ZNF521: variants seen among roughly 807,000 people sequenced by gnomAD.
ZNF521 encodes LYST-interacting protein 3.
A neutral mutation model predicts 105.5 loss-of-function variants in ZNF521; 14 were observed. The ratio of observed to expected loss-of-function variants is 0.13; its 90% CI spans 0.09 to 0.21. The LOEUF (loss-of-function observed/expected upper bound fraction) is 0.21. ZNF521 is among the 10% of genes least tolerant of loss of function. The pLI is 1.00. For missense variants in ZNF521, 1,233 were observed against 1,629.7 expected (o/e 0.76, Z 4.19); for synonymous variants, 635 against 606.0 (o/e 1.05, Z -0.70).
At position 25,132,932 on chromosome 18, in the gene ZNF521, C is replaced by T. The variant is rs143832037; in HGVS notation, c.3659-40851G>A. Among the ~76,000 whole-genome samples the T allele has an allele frequency of 7.2e-5, 11 of 152,266 alleles. 1 individual carries two copies. Among genetic ancestry groups the T allele is most frequent in the East Asian group, 3.9e-4 (2 of 5,176 alleles). Reference sequence around the variant, plus strand: ...GGAGCATAAATTCTACCGTCTGCCCCGATCTGAGAGTGGAACCTATTCAAC... The same window carrying T: ...GGAGCATAAATTCTACCGTCTGCCCTGATCTGAGAGTGGAACCTATTCAAC... On this transcript the variant is annotated intron_variant, in intron 5 of 7. Coordinates refer to ENST00000361524, the MANE Select transcript of ZNF521 (RefSeq NM_015461.3).
intron 5 of ZNF521, among the ~76,000 whole-genome samples, chr18:25,174,252 C>T (rs1156534821): frequency 6.6e-6 from 1 of 152,146 alleles, no homozygotes; most frequent in African/African-American, 2.4e-5. Flanking sequence ...GTGACAGTTT[C>T]CTTTCGAGGA....
rs1567968448 is a variant in ZNF521 at position 25,116,888 on chromosome 18, CGT to C, written c.3659-24809_3659-24808del. ...ATATATACGTATATATATATATATACGTATATATATATGTGTATATATACGTA... is the reference window on the plus strand; with the variant it reads ...ATATATACGTATATATATATATATACATATATATATGTGTATATATACGTA... On this transcript the variant is annotated intron_variant, in intron 5 of 7. Transcript: ENST00000361524. Among the ~76,000 whole-genome samples, 28 of 133,978 alleles carry C rather than the reference CGT, an allele frequency of 2.1e-4. No homozygotes were observed. The South Asian group carries it at 2.7e-3, about 13-fold the overall frequency. The allele number at this position is 133,978 out of a possible 152,430, so 87.9% of individuals were successfully genotyped here. A position where few individuals can be genotyped will look rare whatever the true frequency, so the allele number is the denominator to read the frequency against.
intron 3 of ZNF521, among the ~76,000 whole-genome samples, chr18:25,318,573 G>A (rs1912765865): frequency 6.6e-6 from 1 of 152,054 alleles, no homozygotes; most frequent in African/African-American, 2.4e-5. Context: ...TATATTCTAG[G>A]CTCAGGCAAA....
intron 3 of ZNF521, among the ~76,000 whole-genome samples, chr18:25,293,351 T>TACACACACACACACACAC (rs55818021): frequency 3.8e-4 from 55 of 143,232 alleles, no homozygotes; most frequent in African/African-American, 1.4e-3. Flanking sequence ...CATGTACACA[T>TACACACACACACACACAC]ACACACACAC....
At chr18:25,196,537 T>C (rs2144638602) in intron 4 of ZNF521, among the ~76,000 whole-genome samples, 1 of 151,342 alleles carries the variant, frequency 6.6e-6, no homozygotes, top group African/African-American at 2.4e-5. Context: ...CAGTGGCCAA[T>C]ATTCCTTGTA....
At chr18:25,315,575 A>T (rs1476646012) in intron 3 of ZNF521, 1 of 152,212 alleles carries the variant, frequency 6.6e-6, no homozygotes, top group Non-Finnish European at 1.5e-5. Context: ...CACTGTCTAA[A>T]ATTTCAGTCC....
chr18:25,345,091 T>C lies in ZNF521; in HGVS notation c.40+5816A>G, dbSNP rs1914403881. Reference sequence around the variant, plus strand: ...CAACTTATGTCAACAAGTATTTAACTAGAATTTACCAGACTAACGAGCCCT... The same window carrying C: ...CAACTTATGTCAACAAGTATTTAACCAGAATTTACCAGACTAACGAGCCCT... On this transcript the variant is annotated intron_variant, in intron 2 of 7. Transcript: ENST00000361524. Among the ~76,000 whole-genome samples, 3 of 152,306 alleles carry C rather than the reference T, an allele frequency of 2.0e-5. No homozygotes were observed. The South Asian group carries it at 6.2e-4, about 32-fold the overall frequency.
intron 7 of ZNF521, among the ~76,000 whole-genome samples, chr18:25,077,520 T>C (rs929897897): frequency 1.5e-5 from 2 of 130,684 alleles, no homozygotes; most frequent in African/African-American, 7.0e-5. Flanking sequence ...ACATGTGCCT[T>C]TCTCCTCTTA....
Position 25,079,655 on chromosome 18 carries a change from T to A in ZNF521, c.3906+9810A>T, listed in dbSNP as rs1477561883. ...TGAAAGAGAGAAGACAGCTAGGAAGTGAGCGCACAGATGGTGGGGGGGACG... is the reference window on the plus strand; with the variant it reads ...TGAAAGAGAGAAGACAGCTAGGAAGAGAGCGCACAGATGGTGGGGGGGACG... On this transcript the variant is annotated intron_variant, in intron 7 of 7. Coordinates refer to ENST00000361524, the MANE Select transcript of ZNF521 (RefSeq NM_015461.3). Among the ~76,000 whole-genome samples the A allele has an allele frequency of 2.1e-5, 3 of 146,202 alleles. No individual in the cohort carries two copies. In the East Asian group the frequency reaches 5.9e-4, roughly 29 times the overall value.
chr18:25,195,064 T>C (rs1368206885), intron 5 of ZNF521, 96 bp downstream of exon 5: 4 of 979,594 alleles, frequency 4.1e-6, no homozygotes, highest in Middle Eastern at 2.6e-4. Flanking sequence ...AAAACAATGA[T>C]GGTTGAACAA....
chr18:25,168,755 C>T (rs1262046492), intron 5 of ZNF521, among the ~76,000 whole-genome samples: 3 of 152,308 alleles, frequency 2.0e-5, no homozygotes, highest in East Asian at 1.9e-4. Context: ...CTTCCAGGCA[C>T]GTACAGTACC....
At chr18:25,319,499 G>C (rs2145137868) in intron 3 of ZNF521, among the ~76,000 whole-genome samples, 1 of 152,072 alleles carries the variant, frequency 6.6e-6, no homozygotes, top group South Asian at 2.1e-4. Flanking sequence ...GGGAGGCTAA[G>C]GCAGGAGAAT....
At chr18:25,313,697 T>G (rs945652419) in intron 3 of ZNF521, among the ~76,000 whole-genome samples, 1 of 152,248 alleles carries the variant, frequency 6.6e-6, no homozygotes, top group African/African-American at 2.4e-5. Flanking sequence ...GTTTATTTCA[T>G]CTTTACCTAA....
chr18:25,107,180 C>T (rs2034090330), intron 5 of ZNF521, among the ~76,000 whole-genome samples: 1 of 152,186 alleles, frequency 6.6e-6, no homozygotes, highest in African/African-American at 2.4e-5. Flanking sequence ...TATCAAGTAC[C>T]TATGTTGTGG....
intron 5 of ZNF521, among the ~76,000 whole-genome samples, chr18:25,122,716 G>C (rs2034466226): frequency 6.6e-6 from 1 of 152,130 alleles, no homozygotes; most frequent in Non-Finnish European, 1.5e-5. Context: ...AATGCAGGTA[G>C]CTTGTGAATG....
chr18:25,273,264 ATCTGC>A (rs1909802585), intron 3 of ZNF521, among the ~76,000 whole-genome samples: 1 of 148,502 alleles, frequency 6.7e-6, no homozygotes, highest in Admixed American at 6.7e-5. Context: ...CATTTTAAAT[ATCTGC>A]AACATTTACT....
At chr18:25,344,843 G>A (rs1327117394) in intron 2 of ZNF521, among the ~76,000 whole-genome samples, 2 of 152,188 alleles carry the variant, frequency 1.3e-5, no homozygotes, top group African/African-American at 2.4e-5. Context: ...ATCCAGCCAT[G>A]AGGAATGTAT....
intron 5 of ZNF521, among the ~76,000 whole-genome samples, chr18:25,116,935 G>GTA (rs1258596307): frequency 4.0e-5 from 5 of 125,680 alleles, no homozygotes; most frequent in African/African-American, 9.9e-5. Flanking sequence ...ATATATATAC[G>GTA]TATATATACA....
chr18:25,089,033 ACG>A (rs1460525178), intron 7 of ZNF521, among the ~76,000 whole-genome samples: 1 of 152,234 alleles, frequency 6.6e-6, no homozygotes, highest in Non-Finnish European at 1.5e-5. Flanking sequence ...GGACAAGAGT[ACG>A]ATTTCTTTCT....
Sources: allele counts gnomAD v4.1 joint callset (sites outside exome capture counted in the v4.1 genomes callset), GRCh38; gene constraint gnomAD v4.1.1; transcripts MANE v1.5; gene names NCBI Gene and HGNC (gene_info 2026-07-23, HGNC 2026-07-21).